RAB10: variants seen among roughly 807,000 people sequenced by gnomAD.
RAB10 encodes ras-related protein Rab-10.
RAB10 carries 5 observed loss-of-function variants against 25.7 expected under a neutral mutation model. The observed-to-expected ratio is 0.19, with a 90% confidence interval of 0.10 to 0.41. The LOEUF is 0.41. Among genes scored for constraint, RAB10 ranks in the 10% least tolerant of loss-of-function variants. The pLI is 1.00. For missense variants in RAB10, 103 were observed against 245.8 expected (o/e 0.42, Z 3.89); for synonymous variants, 89 against 86.4 (o/e 1.03, Z -0.16).
chr2:26,107,666 G>T (rs1667492939), intron 2 of RAB10, among the ~76,000 whole-genome samples: 1 of 151,746 alleles, frequency 6.6e-6, no homozygotes, highest in Non-Finnish European at 1.5e-5. Context: ...CGTGGTGGTG[G>T]GCGCCTGTGA....
chr2:26,054,214 A>G (rs968378329), intron 1 of RAB10, among the ~76,000 whole-genome samples: 2 of 138,786 alleles, frequency 1.4e-5, no homozygotes, highest in African/African-American at 5.3e-5. Context: ...CGCCCACCTA[A>G]TTTTTTTTTT....
At chr2:26,089,426 A>G (rs1206295005) in intron 1 of RAB10, among the ~76,000 whole-genome samples, 1 of 151,116 alleles carries the variant, frequency 6.6e-6, no homozygotes, top group Non-Finnish European at 1.5e-5. Context: ...CTGTCTCAAA[A>G]AAAAAAAAAA....
At chr2:26,042,204 G>A (rs951436851) in intron 1 of RAB10, among the ~76,000 whole-genome samples, 1 of 152,192 alleles carries the variant, frequency 6.6e-6, no homozygotes, top group Admixed American at 6.6e-5. Flanking sequence ...GGGAATTGGA[G>A]TCTCTCGGCT....
At chr2:26,049,765 T>A (rs555704485) in intron 1 of RAB10, among the ~76,000 whole-genome samples, 54 of 152,306 alleles carry the variant, frequency 3.5e-4, no homozygotes, top group African/African-American at 1.3e-3. Context: ...TAAAATGGTA[T>A]GCAGTGGTTA....
intron 1 of RAB10, among the ~76,000 whole-genome samples, chr2:26,096,015 C>T (rs972232118): frequency 6.6e-6 from 1 of 152,144 alleles, no homozygotes; most frequent in African/African-American, 2.4e-5. Context: ...GTTTTCAGTT[C>T]CGTCTTTATT....
At chr2:26,051,498 C>T (rs919366917) in intron 1 of RAB10, among the ~76,000 whole-genome samples, 4 of 150,176 alleles carry the variant, frequency 2.7e-5, no homozygotes, top group Non-Finnish European at 4.4e-5. Flanking sequence ...CTGTAATCCC[C>T]ACACTTTGGG....
At chr2:26,037,256 C>T (rs1031029079) in intron 1 of RAB10, among the ~76,000 whole-genome samples, 1 of 152,134 alleles carries the variant, frequency 6.6e-6, no homozygotes, top group Admixed American at 6.6e-5. Context: ...GATTTTGGAT[C>T]AAGTCTGCTG....
At chr2:26,035,619 C>T (rs1007322358) in intron 1 of RAB10, among the ~76,000 whole-genome samples, 3 of 152,172 alleles carry the variant, frequency 2.0e-5, no homozygotes, top group Non-Finnish European at 2.9e-5. Context: ...ATTTAAGTGG[C>T]ATTGACGCTA....
intron 3 of RAB10, among the ~76,000 whole-genome samples, chr2:26,111,727 T>C (rs1350794049): frequency 6.6e-6 from 1 of 152,238 alleles, no homozygotes; most frequent in East Asian, 1.9e-4. Context: ...CTGCAGTGTG[T>C]TTCCAACAAC....
intron 1 of RAB10, among the ~76,000 whole-genome samples, chr2:26,086,612 G>A (rs1046821608): frequency 1.3e-5 from 2 of 152,116 alleles, no homozygotes; most frequent in Admixed American, 1.3e-4. Flanking sequence ...CAAAAGAATT[G>A]AAAACAGATA....
intron 1 of RAB10, among the ~76,000 whole-genome samples, chr2:26,054,225 TGTA>T (rs1666199865): frequency 6.6e-6 from 1 of 151,838 alleles, no homozygotes; most frequent in Non-Finnish European, 1.5e-5. Flanking sequence ...TTTTTTTTTT[TGTA>T]TTTTTAGTAG....
intron 2 of RAB10, among the ~76,000 whole-genome samples, chr2:26,102,439 C>CTTTTTTTTTTTTTT (rs562310195): frequency 2.4e-5 from 3 of 124,372 alleles, no homozygotes; most frequent in African/African-American, 9.4e-5. Context: ...TTTTTTCTTT[C>CTTTTTTTTTTTTTT]TTTTTTTTTT....
chr2:26,068,040 A>T (rs1036550269), intron 1 of RAB10, among the ~76,000 whole-genome samples: 1 of 152,174 alleles, frequency 6.6e-6, no homozygotes, highest in African/African-American at 2.4e-5. Context: ...ACAGGTTATT[A>T]ATTAATCTAT....
chr2:26,079,310 AACACACACACACAAAC>A (rs1338446847), intron 1 of RAB10, among the ~76,000 whole-genome samples: 786 of 61,378 alleles, frequency 0.013, 7 homozygotes, highest in African/African-American at 0.04. Context: ...GCAAGTTTGA[AACACACACACACAAAC>A]ACACACACAC....
chr2:26,098,610 A>G, intron 1 of RAB10, 52 bp from the exon 2 acceptor site: 5 of 1,348,344 alleles, frequency 3.7e-6, no homozygotes, highest in Non-Finnish European at 5.2e-6. Context: ...TAATTTTAGT[A>G]TAGCCAAATG....
At chr2:26,076,869 G>A (rs1308202553) in intron 1 of RAB10, among the ~76,000 whole-genome samples, 4 of 150,494 alleles carry the variant, frequency 2.7e-5, no homozygotes, top group East Asian at 2.0e-4. Flanking sequence ...ACTTGAACCC[G>A]GGAGGCGGAA....
intron 1 of RAB10, among the ~76,000 whole-genome samples, chr2:26,082,548 G>T (rs1308731806): frequency 6.6e-6 from 1 of 152,078 alleles, no homozygotes; most frequent in Non-Finnish European, 1.5e-5. Context: ...TGTATAGTTG[G>T]ATATTTTAAC....
chr2:26,120,205 C>T (rs1667772388), intron 3 of RAB10, among the ~76,000 whole-genome samples: 1 of 152,138 alleles, frequency 6.6e-6, no homozygotes, highest in African/African-American at 2.4e-5. Context: ...GCTCTGGTAA[C>T]TTGCAGTGTT....
upstream of RAB10, among the ~76,000 whole-genome samples, chr2:26,033,876 T>A (rs985379174): frequency 2.6e-5 from 4 of 152,124 alleles, no homozygotes; most frequent in African/African-American, 9.6e-5. Context: ...CCGCGCACCC[T>A]ATCAGGCGGC....
Sources: allele counts gnomAD v4.1 joint callset (sites outside exome capture counted in the v4.1 genomes callset), GRCh38; gene constraint gnomAD v4.1.1; transcripts MANE v1.5; gene names NCBI Gene and HGNC (gene_info 2026-07-23, HGNC 2026-07-21).